Variants in SPTAN1 observed in about 807,000 individuals in gnomAD.
SPTAN1 encodes the protein spectrin alpha, non-erythrocytic 1.
SPTAN1 carries 61 observed loss-of-function variants against 331.3 expected under a neutral mutation model. The observed-to-expected ratio is 0.18, with a 90% CI of 0.15 to 0.23. The LOEUF is 0.23. SPTAN1 is among the 10% of genes least tolerant of loss of function. SPTAN1 has a pLI of 1.00. For synonymous variants in SPTAN1, 1,153 were observed against 1,173.9 expected (o/e 0.98, Z 0.36); for missense variants, 2,043 against 3,147.9 (o/e 0.65, Z 8.40).
chr9:128,613,465 G>A lies in SPTAN1; in HGVS notation c.5128G>A (p.Ala1710Thr). 1.2e-6 allele frequency: 2 copies of A among 1,614,224 alleles called. No individual in the cohort carries two copies. The highest frequency in any genetic ancestry group is 1.7e-6 in the Non-Finnish European group (2 of 1,180,048). ...GCTGAAAAAGCATCAACTGCTGGAA[G>A]CAGATATATCTGCCCATGAGGTAAG... ...NLLKKHQLLE[A>T]DISAHEDRLK... is the part of the protein sequence containing the mutation. Residue 1710 changes from alanine (A) to threonine (T), a missense_variant, in exon 40 of 57, where the codon GCA becomes ACA. Around this residue, in one of 12 missense-constraint regions of SPTAN1, gnomAD observed 323 missense variants for 581.1 expected, o/e 0.56. Transcript: ENST00000372739.
At chr9:128,572,480 T>TG (rs1850845330) in intron 3 of SPTAN1, among the ~76,000 whole-genome samples, 1 of 151,096 alleles carries the variant, frequency 6.6e-6, no homozygotes, top group African/African-American at 2.4e-5. Flanking sequence ...CCTAGTTCTT[T>TG]CTTGAGGGTG....
chr9:128,568,137 G>A (rs774657717), intron 2 of SPTAN1, among the ~76,000 whole-genome samples: 3 of 152,094 alleles, frequency 2.0e-5, no homozygotes, highest in Admixed American at 1.3e-4. Flanking sequence ...AAATTGTTTC[G>A]GTAGCAAGTG....
chr9:128,573,809 A>G (rs1237225660), intron 3 of SPTAN1, among the ~76,000 whole-genome samples: 1 of 150,620 alleles, frequency 6.6e-6, no homozygotes, highest in African/African-American at 2.5e-5. Flanking sequence ...ACTGAAGCAC[A>G]GTGGCACAAT....
intron 51 of SPTAN1, 193 bp downstream of exon 51, chr9:128,628,135 G>A (rs766144097): frequency 3.4e-5 from 27 of 798,188 alleles, no homozygotes; most frequent in African/African-American, 6.7e-5. Flanking sequence ...CCTGGTCCCC[G>A]ATAGAGCCTT....
intron 27 of SPTAN1, among the ~76,000 whole-genome samples, chr9:128,601,677 T>C (rs1009033988): frequency 3.3e-5 from 5 of 152,160 alleles, no homozygotes; most frequent in Non-Finnish European, 7.4e-5. Flanking sequence ...ATTTTAAAAG[T>C]GTGTCCCCAG....
chr9:128,633,044 T>C lies in SPTAN1; in HGVS notation c.7308+89T>C, dbSNP rs1323735422. On this transcript the variant is annotated intron_variant, in intron 56 of 56. Coordinates refer to ENST00000372739, the MANE Select transcript of SPTAN1 (RefSeq NM_001130438.3). Reference sequence around the variant, plus strand: ...GAGCTGAGTCTGGGGTAACAGGCCCTGCGCTGGGTATTCTCCCCATTTACA... The same window carrying C: ...GAGCTGAGTCTGGGGTAACAGGCCCCGCGCTGGGTATTCTCCCCATTTACA... 1.3e-5 allele frequency: 20 copies of C among 1,595,892 alleles called. No homozygotes were observed. The South Asian group carries it at 2.0e-4, about 16-fold the overall frequency.
intron 12 of SPTAN1, 152 bp downstream of exon 12, chr9:128,582,044 C>T (rs1852010022): frequency 7.2e-6 from 5 of 689,978 alleles, no homozygotes; most frequent in South Asian, 3.1e-5. Flanking sequence ...CATGCTATCT[C>T]GTTGAAGACA....
rs181077220 is a variant in SPTAN1 at position 128,561,098 on chromosome 9, G to A, written c.-3-5640G>A. On this transcript the variant is annotated intron_variant, in intron 1 of 56. Coordinates refer to ENST00000372739, the MANE Select transcript of SPTAN1 (RefSeq NM_001130438.3). ...AATAAATAATATGTCGGCCAGGCAC[G>A]GTGGTTCACGCCTGTAATCCCAGCA... Among the ~76,000 whole-genome samples the A allele has an allele frequency of 8.3e-3, 1,231 of 147,748 alleles. 27 individuals are homozygous for A. Among genetic ancestry groups the A allele is most frequent in the Non-Finnish European group, 4.7e-3 (314 of 66,856 alleles).
intron 1 of SPTAN1, among the ~76,000 whole-genome samples, chr9:128,557,805 T>C (rs544100460): frequency 1.1e-4 from 16 of 139,188 alleles, no homozygotes; most frequent in Non-Finnish European, 2.0e-4. Flanking sequence ...ATTTCTTTTT[T>C]TTTTTTTTTT....
At chr9:128,569,045 TC>T in intron 3 of SPTAN1, 148 bp downstream of exon 3, 1 of 1,024,264 alleles carries the variant, frequency 9.8e-7, no homozygotes, top group Non-Finnish European at 1.5e-6. Context: ...GTTACCCGAA[TC>T]CTGCCTTTGT....
chr9:128,554,310 A>G (rs908054663), intron 1 of SPTAN1, among the ~76,000 whole-genome samples: 1 of 152,164 alleles, frequency 6.6e-6, no homozygotes, highest in African/African-American at 2.4e-5. Context: ...ATTCTCTGAT[A>G]TGCTTTGGTC....
At chr9:128,564,892 GA>G (rs1849833867) in intron 1 of SPTAN1, among the ~76,000 whole-genome samples, 1 of 152,244 alleles carries the variant, frequency 6.6e-6, no homozygotes, top group Admixed American at 6.5e-5. Context: ...TTTTAGAGCA[GA>G]AAGAATACTT....
At chr9:128,591,126 A>G (rs1048906757) in intron 21 of SPTAN1, among the ~76,000 whole-genome samples, 107 of 151,934 alleles carry the variant, frequency 7.0e-4, no homozygotes, top group African/African-American at 2.2e-3. Flanking sequence ...CAGTGGCGCA[A>G]TCTCAGCTCA....
At chr9:128,584,922 G>A in intron 18 of SPTAN1, 79 bp downstream of exon 18, 1 of 1,580,056 alleles carries the variant, frequency 6.3e-7, no homozygotes, top group Non-Finnish European at 8.7e-7. Context: ...GGCCACGTGG[G>A]CATCACAAAC....
At chr9:128,570,304 TTATATA>T (rs748964931) in intron 3 of SPTAN1, among the ~76,000 whole-genome samples, 94 of 111,756 alleles carry the variant, frequency 8.4e-4, no homozygotes, top group African/African-American at 2.9e-3. Flanking sequence ...TTTAGACAGC[TTATATA>T]TATATATATA....
At chr9:128,584,929 A>C in intron 18 of SPTAN1, 86 bp downstream of exon 18, 1 of 1,544,094 alleles carries the variant, frequency 6.5e-7, no homozygotes, top group Non-Finnish European at 8.9e-7. Context: ...TGGGCATCAC[A>C]AACCAGGCTC....
Position 128,586,088 on chromosome 9 carries a change from G to A in SPTAN1, c.2778+123G>A, listed in dbSNP as rs1230323640. Reference sequence around the variant, plus strand: ...CATTACAGTGATTGTTTTTTAAAATGTTTTGGAATCCATTTTTCACTTGGT... The same window carrying A: ...CATTACAGTGATTGTTTTTTAAAATATTTTGGAATCCATTTTTCACTTGGT... On this transcript the variant is annotated intron_variant, in intron 19 of 56. Coordinates refer to ENST00000372739, the MANE Select transcript of SPTAN1 (RefSeq NM_001130438.3). 3 of 417,952 alleles carry A rather than the reference G, an allele frequency of 7.2e-6. No individual in the cohort carries two copies. In the East Asian group the frequency reaches 1.7e-4, roughly 24 times the overall value. 25.9% of individuals were successfully genotyped at this position (417,952 alleles called of 1,614,324 possible).
At chr9:128,611,443 C>T (rs1189518644) in intron 37 of SPTAN1, among the ~76,000 whole-genome samples, 1 of 152,180 alleles carries the variant, frequency 6.6e-6, no homozygotes, top group African/African-American at 2.4e-5. Flanking sequence ...GCACTCCAGC[C>T]TGGGCAACTG....
chr9:128,562,484 A>G (rs1050075187), intron 1 of SPTAN1, among the ~76,000 whole-genome samples: 6 of 152,170 alleles, frequency 3.9e-5, no homozygotes, highest in African/African-American at 1.2e-4. Flanking sequence ...TGAGCTTTCA[A>G]ATGGACCCTG....
Sources: gnomAD v4.1 joint callset for allele counts (sites outside exome capture counted in the v4.1 genomes callset) on GRCh38, gnomAD v4.1.1 for gene constraint, gnomAD v4.1.1 regional missense constraint, MANE v1.5 for transcripts, NCBI Gene and HGNC (gene_info 2026-07-23, HGNC 2026-07-21) for gene names.